Variants in ADAMTSL1 observed in about 807,000 individuals in gnomAD.
The protein encoded by ADAMTSL1 is ADAMTS-like protein 1.
Under a neutral mutation model 201.8 loss-of-function variants are expected in ADAMTSL1, and 126 were observed. The observed-to-expected ratio is 0.62, with a 90% CI of 0.54 to 0.72. The LOEUF (loss-of-function observed/expected upper bound fraction) is 0.72. Ranked by LOEUF, ADAMTSL1 falls within the 30% of genes least tolerant of loss-of-function variation. The pLI, the probability that ADAMTSL1 is intolerant of heterozygous loss-of-function variation, is 0.00. For missense variants in ADAMTSL1, 2,679 were observed against 2,277.8 expected, an observed-to-expected ratio of 1.18 and a Z score of -3.59; for synonymous variants, 1,121 against 903.4, an observed-to-expected ratio of 1.24 and a Z score of -4.32.
chr9:18,609,532 T>G (rs1425565924), intron 4 of ADAMTSL1, among the ~76,000 whole-genome samples: 1 of 152,156 alleles, frequency 6.6e-6, no homozygotes, highest in Admixed American at 6.6e-5. Flanking sequence ...ACTTCCTATA[T>G]GCTGTTGTCA....
intron 2 of ADAMTSL1, among the ~76,000 whole-genome samples, chr9:18,224,021 CT>C (rs1224896749): frequency 3.3e-5 from 5 of 151,482 alleles, no homozygotes; most frequent in East Asian, 3.9e-4. Context: ...TAAAAGCATT[CT>C]TTTTTTTTCT....
chr9:17,997,372 G>A (rs2131518469), intron 1 of ADAMTSL1, among the ~76,000 whole-genome samples: 1 of 152,176 alleles, frequency 6.6e-6, no homozygotes, highest in South Asian at 2.1e-4. Flanking sequence ...GGTGTTGGTT[G>A]TGATGAAGAA....
At chr9:18,173,032 G>T (rs1247376072) in intron 2 of ADAMTSL1, among the ~76,000 whole-genome samples, 1 of 152,064 alleles carries the variant, frequency 6.6e-6, no homozygotes, top group Non-Finnish European at 1.5e-5. Flanking sequence ...GTACACTTTA[G>T]CCCTATCTAT....
intron 1 of ADAMTSL1, among the ~76,000 whole-genome samples, chr9:17,981,335 C>T (rs1371949196): frequency 3.9e-5 from 6 of 152,154 alleles, no homozygotes; most frequent in Non-Finnish European, 7.4e-5. Context: ...AGAACAGTCA[C>T]CTTTTATGAT....
chr9:18,155,858 C>A (rs1319162797), intron 1 of ADAMTSL1, among the ~76,000 whole-genome samples: 1 of 151,982 alleles, frequency 6.6e-6, no homozygotes, highest in Non-Finnish European at 1.5e-5. Context: ...AGTTTAGGTC[C>A]TCCTAGAATT....
chr9:18,622,838 C>G (rs1003320394), intron 5 of ADAMTSL1, among the ~76,000 whole-genome samples: 8 of 152,130 alleles, frequency 5.3e-5, no homozygotes, highest in African/African-American at 1.7e-4. Context: ...TAATGTAGGG[C>G]AGTGATTACG....
chr9:18,670,065 G>T (rs1177629306), intron 9 of ADAMTSL1, among the ~76,000 whole-genome samples: 1 of 152,022 alleles, frequency 6.6e-6, no homozygotes, highest in Non-Finnish European at 1.5e-5. Context: ...TTAGAAATAG[G>T]CTGGTTTCTA....
chr9:18,019,916 C>G (rs879293763), intron 1 of ADAMTSL1, among the ~76,000 whole-genome samples: 1 of 151,980 alleles, frequency 6.6e-6, no homozygotes, highest in South Asian at 2.1e-4. Flanking sequence ...CCAGGGTGTC[C>G]CTAACAGTTC....
intron 1 of ADAMTSL1, among the ~76,000 whole-genome samples, chr9:18,065,069 G>C (rs1252335269): frequency 6.9e-6 from 1 of 145,446 alleles, no homozygotes; most frequent in Non-Finnish European, 1.5e-5. Context: ...AAGCAATTCA[G>C]TACCTTGGGG....
intron 1 of ADAMTSL1, among the ~76,000 whole-genome samples, chr9:18,049,780 C>T (rs904152699): frequency 2.4e-4 from 37 of 152,080 alleles, no homozygotes; most frequent in African/African-American, 8.5e-4. Flanking sequence ...CCCACCACTG[C>T]GCCCAGCTAA....
rs547933538 is a variant in ADAMTSL1 at position 18,342,845 on chromosome 9, A to G, written c.208-161984A>G. Among the ~76,000 whole-genome samples the G allele has an allele frequency of 4.7e-4, 72 of 152,272 alleles. No individual in the cohort carries two copies. The South Asian group carries it at 0.013, about 28-fold the overall frequency. On this transcript the variant is annotated intron_variant, in intron 2 of 29. Transcript: ENST00000680146. Reference sequence around the variant, plus strand: ...TTAAAAGAAACTGGACTCAAGAAAGATTTCATCTGAAACTTCTGATCTCTC... The same window carrying G: ...TTAAAAGAAACTGGACTCAAGAAAGGTTTCATCTGAAACTTCTGATCTCTC...
chr9:18,314,724 G>A (rs543741875), intron 2 of ADAMTSL1, among the ~76,000 whole-genome samples: 13 of 144,548 alleles, frequency 9.0e-5, no homozygotes, highest in African/African-American at 3.1e-4. Context: ...AAAGAACAAA[G>A]CTTCCACAGC....
rs528739770 is a variant in ADAMTSL1, at chr9:18,054,988, G to A, written c.88-108874G>A. Among the ~76,000 whole-genome samples, 12 of 152,262 alleles carry A rather than the reference G, an allele frequency of 7.9e-5. No individual in the cohort carries two copies. In the South Asian group the frequency reaches 1.0e-3, roughly 13 times the overall value. ...TTAGGGCATGCTCCCTTCCCCAGCC[G>A]GTGCTCTAGAGAGAATGGATTTCCG... On this transcript the variant is annotated intron_variant, in intron 1 of 29. Transcript: ENST00000680146.
At chr9:18,349,319 C>T (rs1208668228) in intron 2 of ADAMTSL1, among the ~76,000 whole-genome samples, 2 of 152,164 alleles carry the variant, frequency 1.3e-5, no homozygotes, top group East Asian at 3.9e-4. Flanking sequence ...GTCATCACAA[C>T]TTTATGGCTG....
intron 1 of ADAMTSL1, among the ~76,000 whole-genome samples, chr9:18,030,782 C>G (rs1050319554): frequency 1.3e-5 from 2 of 152,130 alleles, no homozygotes; most frequent in Admixed American, 6.5e-5. Context: ...TTCTCTCCTT[C>G]TCTCTCAGGA....
At chr9:18,088,007 A>G (rs1384384774) in intron 1 of ADAMTSL1, among the ~76,000 whole-genome samples, 1 of 152,136 alleles carries the variant, frequency 6.6e-6, no homozygotes, top group Non-Finnish European at 1.5e-5. Context: ...CTCAAGATAT[A>G]TTACAAAGCT....
At chr9:18,795,602 G>A in intron 20 of ADAMTSL1, 78 bp downstream of exon 20, 1 of 1,442,304 alleles carries the variant, frequency 6.9e-7, no homozygotes, top group Non-Finnish European at 9.4e-7. Context: ...AACAGGCCCA[G>A]AGATGCATAG....
chr9:18,599,549 G>T (rs934905787), intron 4 of ADAMTSL1, among the ~76,000 whole-genome samples: 2 of 152,144 alleles, frequency 1.3e-5, no homozygotes, highest in African/African-American at 4.8e-5. Context: ...GAATGGTTTT[G>T]TCAAGGCTAT....
At chr9:18,083,840 C>T (rs759811436) in intron 1 of ADAMTSL1, among the ~76,000 whole-genome samples, 1 of 152,150 alleles carries the variant, frequency 6.6e-6, no homozygotes, top group Non-Finnish European at 1.5e-5. Context: ...TAGCTCTAAA[C>T]ATTATTTACT....
Sources: gnomAD v4.1 joint callset for allele counts (sites outside exome capture counted in the v4.1 genomes callset) on GRCh38, gnomAD v4.1.1 for gene constraint, MANE v1.5 for transcripts, NCBI Gene and HGNC (gene_info 2026-07-23, HGNC 2026-07-21) for gene names.